Variants in DGKI observed in about 807,000 individuals in gnomAD.
The protein encoded by DGKI is diacylglycerol kinase iota.
A neutral mutation model predicts 147.5 loss-of-function variants in DGKI; 55 were observed. That is an observed-to-expected ratio of 0.37 (90% CI 0.30 to 0.47). DGKI has a LOEUF of 0.47. Ranked by LOEUF, DGKI falls within the 20% of genes least tolerant of loss-of-function variation. The probability of loss-of-function intolerance (pLI) is 1.00; values close to 1 mark genes in which losing one functional copy is unlikely to be tolerated. For synonymous variants in DGKI, 469 were observed against 477.1 expected (o/e 0.98, Z 0.22); for missense variants, 1,007 against 1,323.8 (o/e 0.76, Z 3.71).
chr7:137,591,225 T>C (rs1819598113), intron 12 of DGKI, among the ~76,000 whole-genome samples: 1 of 152,244 alleles, frequency 6.6e-6, no homozygotes, highest in African/African-American at 2.4e-5. Flanking sequence ...ATCAATCAAT[T>C]TGCTTTATGA....
At chr7:137,412,891 C>T (rs1004151208) in intron 28 of DGKI, among the ~76,000 whole-genome samples, 3 of 151,950 alleles carry the variant, frequency 2.0e-5, no homozygotes, top group Admixed American at 6.6e-5. Flanking sequence ...TAATAGGTAA[C>T]TTAAACTACT....
intron 6 of DGKI, among the ~76,000 whole-genome samples, chr7:137,625,160 C>T (rs1820888917): frequency 6.6e-6 from 1 of 152,190 alleles, no homozygotes; most frequent in African/African-American, 2.4e-5. Flanking sequence ...AATCAGACTC[C>T]TTAAAAAGGC....
At chr7:137,487,575 T>A in intron 22 of DGKI, 35 bp downstream of exon 22, 1 of 1,563,236 alleles carries the variant, frequency 6.4e-7, no homozygotes, top group South Asian at 1.1e-5. Flanking sequence ...AAATGGAAAG[T>A]TGAGGAGAAT....
chr7:137,599,918 A>T lies in DGKI; in HGVS notation c.1168-13T>A. Reference sequence around the variant, plus strand: ...GGACTTTGGTTCCCTGTAAAAAATAAATACACAAAAAGGCAATAATAGGAA... The same window carrying T: ...GGACTTTGGTTCCCTGTAAAAAATATATACACAAAAAGGCAATAATAGGAA... On this transcript the variant is annotated splice_polypyrimidine_tract_variant and intron_variant, in intron 10 of 32. Coordinates refer to ENST00000614521, the MANE Select transcript of DGKI (RefSeq NM_001321708.2). The T allele has an allele frequency of 1.2e-6, 2 of 1,606,492 alleles. No homozygotes were observed. Among genetic ancestry groups the T allele is most frequent in the South Asian group, 2.2e-5 (2 of 90,746 alleles).
chr7:137,517,319 GAAAGAA>G (rs1816801378), intron 21 of DGKI, among the ~76,000 whole-genome samples: 2 of 100,926 alleles, frequency 2.0e-5, no homozygotes, highest in African/African-American at 8.7e-5. Context: ...AAGAAAGAAA[GAAAGAA>G]AGAAAGAAAG....
chr7:137,551,011 G>C (rs1436789909), intron 20 of DGKI, among the ~76,000 whole-genome samples: 3 of 152,188 alleles, frequency 2.0e-5, no homozygotes, highest in Non-Finnish European at 2.9e-5. Flanking sequence ...TAACCTGATA[G>C]AAGGTAAAGG....
At chr7:137,820,458 CT>C (rs1164231641) in intron 1 of DGKI, among the ~76,000 whole-genome samples, 1 of 152,206 alleles carries the variant, frequency 6.6e-6, no homozygotes, top group Non-Finnish European at 1.5e-5. Context: ...AGCCCTGCAC[CT>C]TGCAGAAGCA....
chr7:137,405,358 C>A (rs1468604613), intron 30 of DGKI, among the ~76,000 whole-genome samples: 3 of 152,158 alleles, frequency 2.0e-5, no homozygotes, highest in Non-Finnish European at 4.4e-5. Context: ...AATCCTTCTG[C>A]CTCAGCCTCA....
At chr7:137,519,306 T>C (rs1343160931) in intron 21 of DGKI, among the ~76,000 whole-genome samples, 1 of 152,030 alleles carries the variant, frequency 6.6e-6, no homozygotes, top group Non-Finnish European at 1.5e-5. Context: ...ATGGGCTTTG[T>C]TAGGTGACAA....
At chr7:137,768,807 G>A (rs59490500) in intron 1 of DGKI, among the ~76,000 whole-genome samples, 8,522 of 152,154 alleles carry the variant, frequency 0.056, 573 homozygotes, top group African/African-American at 0.17. Context: ...TTGGCTGAAC[G>A]GCTATCAAAT....
chr7:137,394,067 A>AT (rs1179066483), intron 32 of DGKI, among the ~76,000 whole-genome samples: 3 of 152,098 alleles, frequency 2.0e-5, no homozygotes, highest in African/African-American at 7.2e-5. Context: ...GGCCTCAACT[A>AT]TATATCAAGA....
At chr7:137,777,688 A>G (rs1363503707) in intron 1 of DGKI, among the ~76,000 whole-genome samples, 1 of 152,154 alleles carries the variant, frequency 6.6e-6, no homozygotes, top group East Asian at 1.9e-4. Flanking sequence ...AATGTCTTTT[A>G]TTCTCTTTAA....
At chr7:137,808,062 T>C (rs1226199833) in intron 1 of DGKI, among the ~76,000 whole-genome samples, 2 of 152,246 alleles carry the variant, frequency 1.3e-5, no homozygotes, top group Admixed American at 1.3e-4. Context: ...AGATCTCTGC[T>C]GTGATTGGCT....
In DGKI at chr7:137,835,927, C is replaced by T. The variant is rs553404226; in HGVS notation, c.401+10535G>A. On this transcript the variant is annotated intron_variant, in intron 1 of 32. Transcript: ENST00000614521. ...TTATGGCACATGGCCTTGGGAAAGT[C>T]GCTTAGCTACTGTGACTGTTTCCTT... Among the ~76,000 whole-genome samples the T allele has an allele frequency of 8.7e-4, 132 of 152,260 alleles. 1 individual carries two copies. Among genetic ancestry groups the T allele is most frequent in the Middle Eastern group, 6.8e-3 (2 of 294 alleles).
chr7:137,706,945 T>A (rs1794053162), intron 1 of DGKI, among the ~76,000 whole-genome samples: 1 of 152,212 alleles, frequency 6.6e-6, no homozygotes, highest in African/African-American at 2.4e-5. Context: ...GGGAACTATT[T>A]CAATAGTTTA....
chr7:137,605,247 G>T (rs1049600475), intron 10 of DGKI, among the ~76,000 whole-genome samples: 1 of 151,670 alleles, frequency 6.6e-6, no homozygotes, highest in Non-Finnish European at 1.5e-5. Flanking sequence ...GGTGGAGGTT[G>T]CAGTGAGCTG....
rs143918473 is a variant in DGKI, at chr7:137,571,071, G to A, written c.1947+104C>T. ...AGCAACTCTATAATTCATAAAATGT[G>A]TAACTTGATAAAGCAGGAGAAAAAG... On this transcript the variant is annotated intron_variant, in intron 19 of 32. Transcript: ENST00000614521. 7.5e-5 allele frequency: 58 copies of A among 774,616 alleles called. No homozygotes were observed. In the East Asian group the frequency reaches 1.5e-3, roughly 20 times the overall value. 48.0% of individuals were successfully genotyped at this position (774,616 alleles called of 1,614,324 possible).
chr7:137,695,581 T>G (rs1218333202), intron 1 of DGKI, among the ~76,000 whole-genome samples: 1 of 152,166 alleles, frequency 6.6e-6, no homozygotes, highest in East Asian at 1.9e-4. Flanking sequence ...AAGCTCCATG[T>G]CTAACAACAC....
chr7:137,490,954 C>T (rs564101203), intron 21 of DGKI, among the ~76,000 whole-genome samples: 2 of 152,268 alleles, frequency 1.3e-5, no homozygotes, highest in South Asian at 4.1e-4. Context: ...ATTTCATGCA[C>T]ATATTAATCT....
Sources: allele counts gnomAD v4.1 joint callset (sites outside exome capture counted in the v4.1 genomes callset), GRCh38; gene constraint gnomAD v4.1.1; transcripts MANE v1.5; gene names NCBI Gene and HGNC (gene_info 2026-07-23, HGNC 2026-07-21).